The following SLC1A1 variants were observed in gnomAD, a reference collection of about 807,000 sequenced individuals.
SLC1A1 encodes the protein excitatory amino acid transporter 3.
A neutral mutation model predicts 53.3 loss-of-function variants in SLC1A1; 43 were observed. The ratio of observed to expected loss-of-function variants is 0.81; its 90% CI spans 0.63 to 1.04. The LOEUF (loss-of-function observed/expected upper bound fraction) is 1.04. SLC1A1 is among the 50% of genes least tolerant of loss of function. The pLI, the probability that SLC1A1 is intolerant of heterozygous loss-of-function variation, is 0.00. For missense variants in SLC1A1, 748 were observed against 664.9 expected (o/e 1.12, Z -1.37); for synonymous variants, 307 against 243.2 (o/e 1.26, Z -2.44).
chr9:4,550,481 C>G (rs1289113713), intron 2 of SLC1A1, among the ~76,000 whole-genome samples: 2 of 152,154 alleles, frequency 1.3e-5, no homozygotes, highest in Non-Finnish European at 2.9e-5. Context: ...GTCTTGAACT[C>G]CTGGACTCAA....
chr9:4,575,464 G>A (rs968782487), intron 8 of SLC1A1, among the ~76,000 whole-genome samples: 8 of 152,240 alleles, frequency 5.3e-5, no homozygotes, highest in Non-Finnish European at 8.8e-5. Context: ...GACAGTGGGC[G>A]CCACCAGCAA....
intron 2 of SLC1A1, among the ~76,000 whole-genome samples, chr9:4,559,365 C>T (rs912833268): frequency 6.6e-6 from 1 of 152,028 alleles, no homozygotes; most frequent in Non-Finnish European, 1.5e-5. Flanking sequence ...GCTACAGAGG[C>T]CAGAGCACCT....
intron 10 of SLC1A1, among the ~76,000 whole-genome samples, chr9:4,582,093 GCC>G (rs1821152190): frequency 6.6e-6 from 1 of 152,224 alleles, no homozygotes; most frequent in Non-Finnish European, 1.5e-5. Flanking sequence ...TGTAGGTGTG[GCC>G]TCCAGCTTAT....
chr9:4,498,082 G>C (rs1413169294), intron 1 of SLC1A1, among the ~76,000 whole-genome samples: 1 of 152,176 alleles, frequency 6.6e-6, no homozygotes, highest in Non-Finnish European at 1.5e-5. Context: ...TAAAACCTCT[G>C]AGAGTCCTTC....
At chr9:4,528,255 G>A (rs1816334690) in intron 1 of SLC1A1, among the ~76,000 whole-genome samples, 1 of 151,102 alleles carries the variant, frequency 6.6e-6, no homozygotes, top group Admixed American at 6.6e-5. Context: ...AATCTTGGAG[G>A]ACTGGAGTTT....
intron 6 of SLC1A1, among the ~76,000 whole-genome samples, chr9:4,568,871 C>A (rs1819754620): frequency 6.6e-6 from 1 of 152,052 alleles, no homozygotes; most frequent in African/African-American, 2.4e-5. Context: ...AATAAATTAA[C>A]AATCTATATG....
intron 1 of SLC1A1, among the ~76,000 whole-genome samples, chr9:4,506,990 G>A (rs1002130394): frequency 6.6e-6 from 1 of 152,178 alleles, no homozygotes; most frequent in East Asian, 1.9e-4. Context: ...CCAGCACTTC[G>A]GGAGGCCGAG....
intron 2 of SLC1A1, among the ~76,000 whole-genome samples, chr9:4,551,043 C>T (rs1817888775): frequency 6.6e-6 from 1 of 152,104 alleles, no homozygotes; most frequent in South Asian, 2.1e-4. Flanking sequence ...GAGGTTGAAT[C>T]CAGGTAACAA....
At chr9:4,530,635 T>C (rs1469374745) in intron 1 of SLC1A1, among the ~76,000 whole-genome samples, 1 of 152,224 alleles carries the variant, frequency 6.6e-6, no homozygotes, top group African/African-American at 2.4e-5. Flanking sequence ...ATCGTTGCTA[T>C]TGACAAAACA....
intron 1 of SLC1A1, among the ~76,000 whole-genome samples, chr9:4,537,974 TATGAG>T (rs1178092794): frequency 2.6e-5 from 4 of 152,180 alleles, no homozygotes; most frequent in Non-Finnish European, 4.4e-5. Flanking sequence ...CATTAAAAAT[TATGAG>T]ATATTTCAGC....
intron 1 of SLC1A1, among the ~76,000 whole-genome samples, chr9:4,526,918 C>T (rs1027198509): frequency 1.4e-4 from 22 of 152,172 alleles, no homozygotes; most frequent in African/African-American, 4.8e-4. Context: ...AATTAGATTA[C>T]ATTCTTTGGC....
At chr9:4,567,531 G>C (rs1317891566) in intron 5 of SLC1A1, 138 bp from the exon 6 acceptor site, 1 of 683,960 alleles carries the variant, frequency 1.5e-6, no homozygotes, top group East Asian at 2.8e-5. Flanking sequence ...TTGACAACTG[G>C]AGCCAACAGA....
rs770417582 is a variant in SLC1A1, at chr9:4,583,051, T to G, written c.1207T>G (p.Ser403Ala). The change falls in exon 11 of 12, where the codon TCT becomes GCT. Residue 403 changes from serine (S) to alanine (A), a missense_variant. Transcript: ENST00000262352. This position sits in a 1 kb window ranked among gnomAD's most constrained non-coding sequence, Gnocchi z 4.6. ...ATGTTTCTGCAGTATCACGGCCACA[T>G]CTGCCAGCATCGGAGCTGCTGGCGT... is the stretch of plus-strand genomic sequence containing the variant. Reference protein sequence around the residue: ...QIITISITATSASIGAAGVPQ... With the variant: ...QIITISITATAASIGAAGVPQ... 1.2e-6 allele frequency: 2 copies of G among 1,614,246 alleles called. No individual in the cohort carries two copies. The highest frequency in any genetic ancestry group is 1.7e-6 in the Non-Finnish European group (2 of 1,180,030).
Position 4,496,607 on chromosome 9 carries a change from A to G in SLC1A1, c.91+5837A>G, listed in dbSNP as rs562455131. The stretch of plus-strand genomic sequence containing the variant: ...GAAGAGAAGTGATCATTAAAAATAA[A>G]AATGCAGCTGAGCATGGTGACTCAT... On this transcript the variant is annotated intron_variant, in intron 1 of 11. Transcript: ENST00000262352. 9.8e-4 allele frequency among the ~76,000 whole-genome samples: 149 copies of G among 152,242 alleles called. 1 individual carries two copies. Among genetic ancestry groups the G allele is most frequent in the Non-Finnish European group, 1.7e-3 (116 of 68,016 alleles).
chr9:4,541,519 A>G (rs937105413), intron 1 of SLC1A1, among the ~76,000 whole-genome samples: 1 of 152,154 alleles, frequency 6.6e-6, no homozygotes, highest in Non-Finnish European at 1.5e-5. Flanking sequence ...GAAAGAGGAA[A>G]GAGGGAGGCT....
chr9:4,572,025 TTTG>T (rs1201182949), intron 6 of SLC1A1, among the ~76,000 whole-genome samples, 176 bp from the exon 7 acceptor site: 18 of 152,322 alleles, frequency 1.2e-4, no homozygotes. Flanking sequence ...AAGGGTAAAG[TTTG>T]TTACATGCAT....
At chr9:4,573,839 T>A (rs1820294521) in intron 7 of SLC1A1, 68 bp from the exon 8 acceptor site, 2 of 1,093,520 alleles carry the variant, frequency 1.8e-6, no homozygotes, top group African/African-American at 3.1e-5. Context: ...GAGTGTTCCT[T>A]CCCCACCAAC....
intron 5 of SLC1A1, among the ~76,000 whole-genome samples, chr9:4,567,398 T>A (rs1819589427): frequency 6.6e-6 from 1 of 152,248 alleles, no homozygotes; most frequent in Non-Finnish European, 1.5e-5. Context: ...ATTATTCTTC[T>A]ATCAACTTGT....
At chr9:4,509,361 G>C (rs1820915947) in intron 1 of SLC1A1, among the ~76,000 whole-genome samples, 2 of 152,092 alleles carry the variant, frequency 1.3e-5, no homozygotes, top group Non-Finnish European at 1.5e-5. Context: ...ATAGAGTTCA[G>C]CAGGGTAAAA....
Sources: allele counts gnomAD v4.1 joint callset (sites outside exome capture counted in the v4.1 genomes callset), GRCh38; gene constraint gnomAD v4.1.1; non-coding constraint Gnocchi (gnomAD v3.1); transcripts MANE v1.5; gene names NCBI Gene and HGNC (gene_info 2026-07-23, HGNC 2026-07-21).